Variants in MTFR1L observed in about 807,000 individuals in gnomAD.
MTFR1L encodes the protein mitochondrial fission regulator 1-like.
Under a neutral mutation model 27.9 loss-of-function variants are expected in MTFR1L, and 10 were observed. The observed-to-expected ratio is 0.36, with a 90% CI of 0.22 to 0.61. MTFR1L has a LOEUF of 0.61. Ranked by LOEUF, MTFR1L falls within the 20% of genes least tolerant of loss-of-function variation. The pLI is 0.73. For missense variants in MTFR1L, 315 were observed against 363.7 expected, an observed-to-expected ratio of 0.87 and a Z score of 1.09; for synonymous variants, 151 against 139.4, an observed-to-expected ratio of 1.08 and a Z score of -0.58.
chr1:25,820,976 G>C (rs2048083605), intron 1 of MTFR1L: 1 of 295,622 alleles, frequency 3.4e-6, no homozygotes, highest in African/African-American at 2.4e-5. Flanking sequence ...GGCGAAGGGG[G>C]TGCTGGTGTT....
rs1435436158 is a variant in MTFR1L, at chr1:25,832,143, C to T, written c.*117C>T. The T allele has an allele frequency of 1.3e-6, 2 of 1,579,330 alleles. No homozygotes were observed. Among genetic ancestry groups the T allele is most frequent in the African/African-American group, 2.7e-5 (2 of 74,154 alleles). On this transcript the variant is annotated 3_prime_UTR_variant, in exon 7 of 7. Transcript: ENST00000374303. Reference sequence around the variant, plus strand: ...AGATCTTCTGCAACAGTCTTGCTGACAAGCTAGAGCTTGGACTGAAAGAGA... The same window carrying T: ...AGATCTTCTGCAACAGTCTTGCTGATAAGCTAGAGCTTGGACTGAAAGAGA...
chr1:25,829,823 C>G lies in MTFR1L; in HGVS notation c.766C>G (p.Gln256Glu), dbSNP rs2048214388. The change falls in exon 6 of 7, where the codon CAA becomes GAA. Residue 256 changes from glutamine (Q) to glutamate (E), a missense_variant. Coordinates refer to ENST00000374303, the MANE Select transcript of MTFR1L (RefSeq NM_001099625.2). ...LKDFHRMKQS[Q>E]DLNRSLLKEE... ...GGACTTTCACCGAATGAAACAGAGT[C>G]AAGATCTGTAAGTATCTGATGAGGA... 1 of 1,598,094 alleles carries G rather than the reference C, an allele frequency of 6.3e-7. No individual in the cohort carries two copies. Among genetic ancestry groups the G allele is most frequent in the Non-Finnish European group, 8.5e-7 (1 of 1,176,826 alleles).
At chr1:25,820,155 A>G (rs2124465299) in intron 1 of MTFR1L, 126 bp downstream of exon 1, 1 of 451,254 alleles carries the variant, frequency 2.2e-6, no homozygotes, top group African/African-American at 2.0e-5. Flanking sequence ...TTCTCGCGGG[A>G]GCCGCAGCTG....
At chr1:25,827,194 G>A (rs1220646946) in intron 5 of MTFR1L, among the ~76,000 whole-genome samples, 1 of 151,802 alleles carries the variant, frequency 6.6e-6, no homozygotes, top group Non-Finnish European at 1.5e-5. Context: ...TGGAAGTGCA[G>A]TGGCACGATC....
intron 1 of MTFR1L, chr1:25,821,797 G>C (rs2048096846): frequency 6.6e-6 from 1 of 152,310 alleles, no homozygotes; most frequent in Non-Finnish European, 1.5e-5. Flanking sequence ...ACTAGGGCCA[G>C]AGCTCTGACC....
chr1:25,828,597 A>C (rs2048198605), intron 5 of MTFR1L, among the ~76,000 whole-genome samples: 1 of 152,140 alleles, frequency 6.6e-6, no homozygotes, highest in African/African-American at 2.4e-5. Context: ...CTATTATGCA[A>C]ACAAGCCCTG....
At chr1:25,828,310 C>T (rs1004657154) in intron 5 of MTFR1L, among the ~76,000 whole-genome samples, 8 of 152,246 alleles carry the variant, frequency 5.3e-5, no homozygotes, top group Non-Finnish European at 1.2e-4. Context: ...TGGTCGGGCA[C>T]TGTGGCTTAC....
chr1:25,830,510 G>A (rs2048224460), intron 6 of MTFR1L, among the ~76,000 whole-genome samples: 1 of 152,200 alleles, frequency 6.6e-6, no homozygotes, highest in African/African-American at 2.4e-5. Context: ...AGAAGCCTCA[G>A]GGAGTCACCC....
Position 25,829,540 on chromosome 1 carries a change from T to A in MTFR1L, c.483T>A (p.Ser161=). Residue 161 remains serine, a synonymous_variant, in exon 6 of 7, where the codon TCT becomes TCA. Transcript: ENST00000374303. ...CTTCATTAACGCCAGATTTCTTATC[T>A]CCAGGAAGTTCAAATGTCTCTTCTC... ...ASASLTPDFL[S]PGSSNVSSPL... 6.2e-7 allele frequency: 1 copy of A among 1,613,972 alleles called. No homozygotes were observed. The highest frequency in any genetic ancestry group is 1.1e-5 in the South Asian group (1 of 91,074).
At position 25,826,755 on chromosome 1, in the gene MTFR1L, G is replaced by A. The variant is rs371620848; in HGVS notation, c.380G>A (p.Arg127His). The change falls in exon 5 of 7, where the codon CGC (arginine) becomes CAC (histidine). Residue 127 changes from arginine to histidine, a missense_variant. By Grantham distance (29) the Arg-to-His change is conservative. Coordinates refer to ENST00000374303, the MANE Select transcript of MTFR1L (RefSeq NM_001099625.2). This position sits in a 1 kb window ranked among gnomAD's most constrained non-coding sequence, Gnocchi z 4.1. The part of the protein sequence containing the change: ...LKKPALPALS[R>H]TTELQDELSH... ...AAGCCAGCTCTGCCAGCCCTAAGCCGCACTACTGAGCTGCAGGACGAGCTG... is the reference window on the plus strand; with the variant it reads ...AAGCCAGCTCTGCCAGCCCTAAGCCACACTACTGAGCTGCAGGACGAGCTG... 14 of 1,614,146 alleles carry A rather than the reference G, an allele frequency of 8.7e-6. No homozygotes were observed. The highest frequency in any genetic ancestry group is 7.7e-5 in the South Asian group (7 of 91,088).
intron 6 of MTFR1L, among the ~76,000 whole-genome samples, chr1:25,830,461 C>T (rs943445606): frequency 7.9e-5 from 12 of 152,160 alleles, no homozygotes; most frequent in African/African-American, 2.2e-4. Flanking sequence ...GTATGAGGGT[C>T]TTTGGGGAAT....
chr1:25,827,747 C>G (rs534152750), intron 5 of MTFR1L, among the ~76,000 whole-genome samples: 1 of 151,618 alleles, frequency 6.6e-6, no homozygotes, highest in Non-Finnish European at 1.5e-5. Context: ...GCGGTTGAAA[C>G]AAGAGTCTCA....
chr1:25,825,603 G>A (rs147112484), intron 3 of MTFR1L: 100 of 152,134 alleles, frequency 6.6e-4, no homozygotes, highest in African/African-American at 2.3e-3. Context: ...AAATTTTCAG[G>A]TTTGTTTAAA....
In MTFR1L at chr1:25,832,345, C is replaced by A. The variant is rs1254931888; in HGVS notation, c.*319C>A. 2 of 635,174 alleles carry A rather than the reference C, an allele frequency of 3.1e-6. No homozygotes were observed. Among genetic ancestry groups the A allele is most frequent in the Non-Finnish European group, 5.4e-6 (2 of 367,570 alleles). The allele number at this position is 635,174 out of a possible 1,614,324, so 39.3% of individuals were successfully genotyped here. A position where few individuals can be genotyped will look rare whatever the true frequency, so the allele number is the denominator to read the frequency against. The stretch of plus-strand genomic sequence containing the variant: ...CTGTGTGAAAATAGGTCCTAAATGA[C>A]TGACTTCACTGCATTAGACCCTATA... On this transcript the variant is annotated 3_prime_UTR_variant, in exon 7 of 7. Coordinates refer to ENST00000374303, the MANE Select transcript of MTFR1L (RefSeq NM_001099625.2).
intron 5 of MTFR1L, among the ~76,000 whole-genome samples, chr1:25,827,165 C>T (rs1189541598): frequency 6.6e-6 from 1 of 151,576 alleles, no homozygotes; most frequent in Non-Finnish European, 1.5e-5. Flanking sequence ...CTGAGTGAGT[C>T]TTGCTCTGTC....
chr1:25,820,085 G>A, intron 1 of MTFR1L, 56 bp downstream of exon 1: 1 of 428,782 alleles, frequency 2.3e-6, no homozygotes, highest in South Asian at 1.6e-5. Flanking sequence ...CAGCCCGTTA[G>A]TAGACTGGGT....
chr1:25,825,625 G>A (rs1176006663), intron 3 of MTFR1L: 1 of 152,152 alleles, frequency 6.6e-6, no homozygotes, highest in African/African-American at 2.4e-5. Context: ...CAGCATTGCT[G>A]TAACAATGTA....
chr1:25,827,418 G>A (rs2048182633), intron 5 of MTFR1L, among the ~76,000 whole-genome samples: 1 of 151,670 alleles, frequency 6.6e-6, no homozygotes, highest in African/African-American at 2.4e-5. Context: ...TTATAGGTGT[G>A]AGCCACCGAG....
rs375483961 is a variant in MTFR1L, at chr1:25,832,023, T to C, written c.876T>C (p.Asn292=). The change falls in exon 7 of 7, where the codon AAT becomes AAC. Residue 292 remains asparagine (N), a synonymous_variant. Coordinates refer to ENST00000374303, the MANE Select transcript of MTFR1L (RefSeq NM_001099625.2). Reference sequence around the variant, plus strand: ...AAGAAGATATCAGTAGAAAAGGAAATTGACAACCCTCAGCTCTGCAAACTC... The same window carrying C: ...AAGAAGATATCAGTAGAAAAGGAAACTGACAACCCTCAGCTCTGCAAACTC... ...LKEEDISRKG[N] 49 of 1,614,018 alleles carry C rather than the reference T, an allele frequency of 3.0e-5. No homozygotes were observed. The highest frequency in any genetic ancestry group is 4.0e-5 in the Non-Finnish European group (47 of 1,180,042).
Sources: gnomAD v4.1 joint callset for allele counts (sites outside exome capture counted in the v4.1 genomes callset) on GRCh38, gnomAD v4.1.1 for gene constraint, Gnocchi (gnomAD v3.1) non-coding constraint, MANE v1.5 for transcripts, NCBI Gene and HGNC (gene_info 2026-07-23, HGNC 2026-07-21) for gene names.